The following ATP13A3 variants were observed in gnomAD, a reference collection of about 807,000 sequenced individuals.
ATP13A3 encodes polyamine-transporting ATPase 13A3.
In ATP13A3, 59 loss-of-function variants were observed where a neutral mutation model predicts 158.1. The ratio of observed to expected loss-of-function variants is 0.37; its 90% CI spans 0.30 to 0.46. ATP13A3 has a LOEUF of 0.46. Ranked by LOEUF, ATP13A3 falls within the 20% of genes least tolerant of loss-of-function variation. The pLI is 1.00. For missense variants in ATP13A3, 1,166 were observed against 1,525.2 expected (o/e 0.76, Z 3.92); for synonymous variants, 491 against 504.3 (o/e 0.97, Z 0.35).
chr3:194,451,298 A>G (rs1392609400), intron 10 of ATP13A3: 3 of 152,246 alleles, frequency 2.0e-5, no homozygotes, highest in Non-Finnish European at 4.4e-5. Context: ...GGATTTCTTT[A>G]AAAAGAAAAT....
chr3:194,410,331 A>AAACC (rs869283016), intron 33 of ATP13A3, among the ~76,000 whole-genome samples: 31 of 133,048 alleles, frequency 2.3e-4, no homozygotes, highest in African/African-American at 8.3e-4. Flanking sequence ...AAAAAAAAAA[A>AAACC]CTGCTGGGCC....
chr3:194,473,486 G>GAAAA (rs10699324), intron 2 of ATP13A3, among the ~76,000 whole-genome samples: 3 of 143,512 alleles, frequency 2.1e-5, no homozygotes, highest in Admixed American at 7.0e-5. Context: ...TTAAATTGGT[G>GAAAA]AAAAAAAAAA....
At chr3:194,482,306 T>C (rs577620575) in intron 2 of ATP13A3, among the ~76,000 whole-genome samples, 1 of 152,340 alleles carries the variant, frequency 6.6e-6, no homozygotes, top group Non-Finnish European at 1.5e-5. Context: ...TCACTCAGGC[T>C]GGTCTCAAAC....
chr3:194,446,883 C>T (rs145099629), intron 14 of ATP13A3, 44 bp downstream of exon 14: 21 of 1,464,726 alleles, frequency 1.4e-5, no homozygotes, highest in East Asian at 2.3e-5. Flanking sequence ...AATATTTAAA[C>T]GCTACGAAGT....
chr3:194,433,393 G>A (rs1168177723), intron 21 of ATP13A3, among the ~76,000 whole-genome samples: 3 of 152,008 alleles, frequency 2.0e-5, no homozygotes, highest in African/African-American at 7.2e-5. Context: ...ACAGGCACCC[G>A]CCACCGCTCC....
At chr3:194,407,673 A>C (rs1267576004) in intron 33 of ATP13A3, among the ~76,000 whole-genome samples, 3 of 152,228 alleles carry the variant, frequency 2.0e-5, no homozygotes, top group African/African-American at 7.2e-5. Flanking sequence ...AAGGTGGACA[A>C]AAGTAAGCTA....
At chr3:194,485,289 C>T (rs1720922866) in intron 2 of ATP13A3, among the ~76,000 whole-genome samples, 1 of 152,102 alleles carries the variant, frequency 6.6e-6, no homozygotes, top group Non-Finnish European at 1.5e-5. Flanking sequence ...ACTGATTTGC[C>T]TTAAAGGGGT....
In ATP13A3 at chr3:194,441,413, G is replaced by A. The variant is rs1447413695; in HGVS notation, c.1608C>T (p.Ser536=). The change falls in exon 16 of 34, where the codon TCC becomes TCT. Residue 536 remains serine (S), a synonymous_variant. Transcript: ENST00000645319. ...AAGTAGCCATACAAGCAACAAACTG[G>A]GATTTTACCAACATCTCATTGCACA... ...ENVCNEMLVK[S]QFVACMATCH... 8.1e-6 allele frequency: 13 copies of A among 1,613,374 alleles called. No individual in the cohort carries two copies. Among genetic ancestry groups the A allele is most frequent in the Non-Finnish European group, 1.1e-5 (13 of 1,179,528 alleles).
chr3:194,453,879 T>C, intron 9 of ATP13A3, 101 bp from the exon 10 acceptor site: 1 of 796,020 alleles, frequency 1.3e-6, no homozygotes, highest in African/African-American at 1.7e-5. Context: ...TAAATGCATA[T>C]CACTCCATCT....
intron 28 of ATP13A3, among the ~76,000 whole-genome samples, chr3:194,428,194 C>A (rs1024009695): frequency 1.3e-4 from 19 of 142,862 alleles, no homozygotes; most frequent in Non-Finnish European, 2.4e-4. Context: ...GCACTCCAGC[C>A]TGGGTGACAG....
At chr3:194,453,887 T>C in intron 9 of ATP13A3, 109 bp from the exon 10 acceptor site, 1 of 777,668 alleles carries the variant, frequency 1.3e-6, no homozygotes, top group Non-Finnish European at 2.1e-6. Context: ...TATCACTCCA[T>C]CTTTATAAAA....
At chr3:194,433,292 G>A (rs922954202) in intron 21 of ATP13A3, among the ~76,000 whole-genome samples, 7 of 142,596 alleles carry the variant, frequency 4.9e-5, no homozygotes, top group African/African-American at 1.1e-4. Context: ...GCCGGACTGC[G>A]GACTGCAGTG....
chr3:194,436,430 C>T (rs958230900), intron 20 of ATP13A3, among the ~76,000 whole-genome samples: 1 of 152,176 alleles, frequency 6.6e-6, no homozygotes. Context: ...TAGTTATATC[C>T]AACCACTGGG....
intron 26 of ATP13A3, 66 bp downstream of exon 26, chr3:194,430,006 T>A: frequency 8.8e-6 from 12 of 1,361,012 alleles, no homozygotes; most frequent in Non-Finnish European, 1.1e-5. Context: ...CTTTTTATGA[T>A]AATTTTCTCT....
At chr3:194,424,239 T>G (rs953307374) in intron 30 of ATP13A3, among the ~76,000 whole-genome samples, 1 of 151,674 alleles carries the variant, frequency 6.6e-6, no homozygotes, top group African/African-American at 2.4e-5. Context: ...AAATAATAGT[T>G]ATTTTTTAAA....
Position 194,459,639 on chromosome 3 carries a change from A to C in ATP13A3, c.409-98T>G, listed in dbSNP as rs1560105398. The C allele has an allele frequency of 7.1e-6, 8 of 1,121,598 alleles. No homozygotes were observed. The South Asian group carries it at 7.8e-5, about 11-fold the overall frequency. 69.5% of individuals were successfully genotyped at this position (1,121,598 alleles called of 1,614,324 possible). ...AACAGCTATATATAGGATTATATAT[A>C]GCATTATATATAGTAATATGTAATA... On this transcript the variant is annotated intron_variant, in intron 5 of 33. Transcript: ENST00000645319.
rs1414671986 is a variant in ATP13A3 at position 194,406,002 on chromosome 3, A to G, written c.3688T>C (p.Trp1230Arg). The change falls in exon 34 of 34, where the codon TGG becomes CGG. Residue 1230 changes from tryptophan (W) to arginine (R), a missense_variant. Trp to Arg is a moderately radical substitution (Grantham distance 101, BLOSUM62 -3). Transcript: ENST00000645319. ...GTGGTTGTCTGAGGTTTTGGTGGCC[A>G]TTCTGGATCAACCAAGAGCTCCTGC... The part of the protein sequence containing the change: ...LAQELLVDPE[W>R]PPKPQTTTEA... 1 of 1,614,062 alleles carries G rather than the reference A, an allele frequency of 6.2e-7. No individual in the cohort carries two copies. Among genetic ancestry groups the G allele is most frequent in the Non-Finnish European group, 8.5e-7 (1 of 1,180,036 alleles).
chr3:194,489,247 C>A (rs148698155), upstream of ATP13A3, among the ~76,000 whole-genome samples: 1,007 of 151,860 alleles, frequency 6.6e-3, 10 homozygotes, highest in African/African-American at 0.023. The surrounding 1 kb of genome is among the most constrained non-coding windows in gnomAD (Gnocchi z 4.1). Flanking sequence ...GAGTTCAAGA[C>A]CAGCCTGACA....
intron 21 of ATP13A3, among the ~76,000 whole-genome samples, chr3:194,432,757 CAT>C (rs1314901985): frequency 6.6e-6 from 1 of 151,604 alleles, no homozygotes; most frequent in African/African-American, 2.4e-5. Context: ...AGACTTTCTC[CAT>C]ATTAGTCTTA....
Sources: allele counts gnomAD v4.1 joint callset (sites outside exome capture counted in the v4.1 genomes callset), GRCh38; gene constraint gnomAD v4.1.1; non-coding constraint Gnocchi (gnomAD v3.1); transcripts MANE v1.5; gene names NCBI Gene and HGNC (gene_info 2026-07-23, HGNC 2026-07-21).